Variants in TNFAIP8 observed in about 807,000 individuals in gnomAD.
TNFAIP8 encodes TNF alpha induced protein 8, also known as tumor necrosis factor alpha-induced protein 8.
In TNFAIP8, 7 loss-of-function variants were observed where a neutral mutation model predicts 13.3. The ratio of observed to expected loss-of-function variants is 0.52; its 90% CI spans 0.30 to 0.99. The LOEUF is 0.99. Among genes scored for constraint, TNFAIP8 ranks in the 50% least tolerant of loss-of-function variants. TNFAIP8 has a pLI of 0.07. For missense variants in TNFAIP8, 258 were observed against 236.9 expected (o/e 1.09, Z -0.58); for synonymous variants, 94 against 87.6 (o/e 1.07, Z -0.41).
At chr5:119,386,477 C>T (rs1331731669) in intron 1 of TNFAIP8, among the ~76,000 whole-genome samples, 3 of 152,136 alleles carry the variant, frequency 2.0e-5, no homozygotes, top group Admixed American at 6.5e-5. Context: ...TGGAAGAGTG[C>T]CTTAGACAAT....
chr5:119,355,987 C>T, upstream of TNFAIP8: 1 of 1,514,990 alleles, frequency 6.6e-7, no homozygotes, highest in Non-Finnish European at 8.9e-7. Context: ...TGGCTTTCTT[C>T]CTTTTATTTT....
At chr5:119,355,413 A>T, upstream of TNFAIP8, 1 of 700,642 alleles carries the variant, frequency 1.4e-6, no homozygotes, top group Non-Finnish European at 2.6e-6. Context: ...AGGCCGCTCC[A>T]CTTTCTTCAA....
intron 1 of TNFAIP8, among the ~76,000 whole-genome samples, chr5:119,302,497 A>G (rs1196450510): frequency 1.3e-5 from 2 of 152,152 alleles, no homozygotes; most frequent in East Asian, 1.9e-4. Context: ...TTTGGGAAGG[A>G]TGTTTTGAAA....
chr5:119,299,423 A>C (rs1409772873), intron 1 of TNFAIP8, among the ~76,000 whole-genome samples: 1 of 151,806 alleles, frequency 6.6e-6, no homozygotes, highest in African/African-American at 2.4e-5. Flanking sequence ...AGAACAGTGG[A>C]TTTTCGTGAA....
At chr5:119,309,135 C>T (rs1749655635) in intron 1 of TNFAIP8, among the ~76,000 whole-genome samples, 1 of 152,106 alleles carries the variant, frequency 6.6e-6, no homozygotes, top group Non-Finnish European at 1.5e-5. Context: ...CTACTCAAAC[C>T]ACAACTTCCT....
intron 1 of TNFAIP8, among the ~76,000 whole-genome samples, chr5:119,333,912 T>C (rs1750464349): frequency 6.6e-6 from 1 of 152,156 alleles, no homozygotes; most frequent in Non-Finnish European, 1.5e-5. Flanking sequence ...CAGATAAAGA[T>C]TTGAAATGTT....
At chr5:119,388,396 T>C (rs968971335) in intron 1 of TNFAIP8, among the ~76,000 whole-genome samples, 3 of 152,238 alleles carry the variant, frequency 2.0e-5, no homozygotes, top group Admixed American at 1.3e-4. Context: ...CATGTTTTCA[T>C]AGAAAAGTAT....
At chr5:119,286,264 A>G (rs1487015217) in intron 1 of TNFAIP8, among the ~76,000 whole-genome samples, 1 of 152,114 alleles carries the variant, frequency 6.6e-6, no homozygotes, top group Non-Finnish European at 1.5e-5. Flanking sequence ...CCTCTTCTCA[A>G]AACAGAAATC....
At chr5:119,330,146 A>T (rs1750331586) in intron 1 of TNFAIP8, among the ~76,000 whole-genome samples, 1 of 152,130 alleles carries the variant, frequency 6.6e-6, no homozygotes, top group African/African-American at 2.4e-5. Context: ...TCAGCATACG[A>T]GGAGGGTACA....
chr5:119,295,005 A>G (rs943227634), intron 1 of TNFAIP8, among the ~76,000 whole-genome samples: 4 of 151,838 alleles, frequency 2.6e-5, no homozygotes, highest in South Asian at 2.1e-4. Flanking sequence ...TGTTCACTCT[A>G]ATGGTAGTTT....
intron 1 of TNFAIP8, among the ~76,000 whole-genome samples, chr5:119,330,104 C>T (rs1427302876): frequency 6.6e-6 from 1 of 152,006 alleles, no homozygotes; most frequent in Non-Finnish European, 1.5e-5. Flanking sequence ...ATGGTTTAGG[C>T]ACGCCATTGA....
chr5:119,313,438 C>T (rs1749793476), intron 1 of TNFAIP8, among the ~76,000 whole-genome samples: 2 of 152,138 alleles, frequency 1.3e-5, no homozygotes, highest in African/African-American at 4.8e-5. Context: ...TTTCTTGAGA[C>T]CACCATTGCC....
intron 1 of TNFAIP8, among the ~76,000 whole-genome samples, chr5:119,289,597 C>T (rs1236727213): frequency 6.6e-6 from 1 of 152,212 alleles, no homozygotes; most frequent in African/African-American, 2.4e-5. Context: ...CTACCAGGTT[C>T]AAGCTGCTTA....
chr5:119,327,756 G>A (rs1009540323), intron 1 of TNFAIP8, among the ~76,000 whole-genome samples: 1 of 152,250 alleles, frequency 6.6e-6, no homozygotes, highest in Non-Finnish European at 1.5e-5. Flanking sequence ...ACCGTGCCCG[G>A]CCGCGTTATC....
intron 1 of TNFAIP8, chr5:119,391,584 A>G: frequency 1.9e-6 from 1 of 535,960 alleles, no homozygotes; most frequent in Non-Finnish European, 3.4e-6. Flanking sequence ...ACATGGTGAA[A>G]CCCCGTCTCT....
chr5:119,314,221 G>A (rs564604187), intron 1 of TNFAIP8, among the ~76,000 whole-genome samples: 162 of 152,282 alleles, frequency 1.1e-3, no homozygotes, highest in Non-Finnish European at 2.0e-3. Flanking sequence ...CATGTCTGTC[G>A]TCTGTTTTGT....
intron 1 of TNFAIP8, among the ~76,000 whole-genome samples, chr5:119,389,918 G>A (rs1752831800): frequency 6.6e-6 from 1 of 152,158 alleles, no homozygotes; most frequent in South Asian, 2.1e-4. Context: ...TTGCTTAGTT[G>A]GCAGTAGATT....
At chr5:119,304,936 A>T (rs570966416) in intron 1 of TNFAIP8, among the ~76,000 whole-genome samples, 4 of 152,370 alleles carry the variant, frequency 2.6e-5, no homozygotes, top group South Asian at 2.1e-4. Flanking sequence ...CTGAAAAATG[A>T]TATATAATTA....
At chr5:119,373,543 A>T (rs1752167429) in intron 1 of TNFAIP8, among the ~76,000 whole-genome samples, 1 of 152,174 alleles carries the variant, frequency 6.6e-6, no homozygotes, top group Non-Finnish European at 1.5e-5. Context: ...AGTCTAGAGG[A>T]GTTAACATGC....
Sources: allele counts gnomAD v4.1 joint callset (sites outside exome capture counted in the v4.1 genomes callset), GRCh38; gene constraint gnomAD v4.1.1; transcripts MANE v1.5; gene names NCBI Gene and HGNC (gene_info 2026-07-23, HGNC 2026-07-21).